The following HCN1 variants were observed in gnomAD, a reference collection of about 807,000 sequenced individuals.
HCN1 encodes the protein hyperpolarization activated cyclic nucleotide gated potassium channel 1, also known as potassium/sodium hyperpolarization-activated cyclic nucleotide-gated channel 1.
Under a neutral mutation model 78.9 loss-of-function variants are expected in HCN1, and 13 were observed. The observed-to-expected ratio is 0.16, with a 90% CI of 0.11 to 0.26. The LOEUF (loss-of-function observed/expected upper bound fraction) is 0.26, where lower values mean the gene tolerates loss of function less well. Ranked by LOEUF, HCN1 falls within the 10% of genes least tolerant of loss-of-function variation. HCN1 has a pLI of 1.00. For missense variants in HCN1, 810 were observed against 1,154.3 expected (o/e 0.70, Z 4.32); for synonymous variants, 552 against 455.5 (o/e 1.21, Z -2.70).
chr5:45,608,428 T>G (rs1744768052), intron 2 of HCN1, among the ~76,000 whole-genome samples: 1 of 80,920 alleles, frequency 1.2e-5, no homozygotes, highest in African/African-American at 4.6e-5. Flanking sequence ...GAAGAACTAC[T>G]TCTTTATATG....
intron 2 of HCN1, among the ~76,000 whole-genome samples, chr5:45,496,473 A>T (rs563173486): frequency 6.6e-6 from 1 of 152,192 alleles, no homozygotes; most frequent in Admixed American, 6.5e-5. Flanking sequence ...CACTGGTAGA[A>T]GTTGGCTGTG....
chr5:45,613,328 A>G (rs1744880189), intron 2 of HCN1, among the ~76,000 whole-genome samples: 1 of 152,118 alleles, frequency 6.6e-6, no homozygotes, highest in Non-Finnish European at 1.5e-5. Flanking sequence ...TACAAAGGAC[A>G]TGAACTCATC....
At chr5:45,510,210 C>CAT (rs1312825058) in intron 2 of HCN1, among the ~76,000 whole-genome samples, 1 of 152,048 alleles carries the variant, frequency 6.6e-6, no homozygotes, top group South Asian at 2.1e-4. Flanking sequence ...ACACCATATA[C>CAT]ATACATAAGA....
intron 4 of HCN1, among the ~76,000 whole-genome samples, chr5:45,370,697 A>G (rs1305798761): frequency 2.6e-5 from 4 of 152,084 alleles, no homozygotes; most frequent in Admixed American, 1.3e-4. Flanking sequence ...CTATAATGCC[A>G]TAAGGCCACA....
chr5:45,281,611 C>T (rs190606110), intron 6 of HCN1, among the ~76,000 whole-genome samples: 6 of 90,826 alleles, frequency 6.6e-5, no homozygotes, highest in East Asian at 6.9e-4. Context: ...TTTTTTGAGA[C>T]GGAGTCTCAC....
intron 5 of HCN1, among the ~76,000 whole-genome samples, chr5:45,321,195 T>C (rs1247511532): frequency 6.6e-6 from 1 of 151,886 alleles, no homozygotes; most frequent in East Asian, 1.9e-4. Flanking sequence ...ATTTGTAATT[T>C]ATTTTGATTA....
intron 2 of HCN1, among the ~76,000 whole-genome samples, chr5:45,502,785 T>G (rs544290644): frequency 5.7e-4 from 86 of 152,126 alleles, no homozygotes; most frequent in Admixed American, 1.1e-3. Context: ...GGCTATGAGA[T>G]TAACAATAAT....
At chr5:45,434,904 C>T (rs1271255730) in intron 3 of HCN1, among the ~76,000 whole-genome samples, 1 of 151,886 alleles carries the variant, frequency 6.6e-6, no homozygotes, top group Non-Finnish European at 1.5e-5. Flanking sequence ...TCCTGATCAT[C>T]CAAAAGAGCC....
At position 45,258,437 on chromosome 5, in the gene HCN1, T is replaced by A. The variant is rs1561077302; in HGVS notation, c.*3484A>T. The A allele has an allele frequency of 6.6e-6, 1 of 152,180 alleles. No homozygotes were observed. The allele number at this position is 152,180 out of a possible 1,614,324, so 9.4% of individuals were successfully genotyped here. A position where few individuals can be genotyped will look rare whatever the true frequency, so the allele number is the denominator to read the frequency against. On this transcript the variant is annotated 3_prime_UTR_variant, in exon 8 of 8. Transcript: ENST00000303230. ...AGTGGAACAGCATTCATCAGGGAAT[T>A]GTTCACTTATGAAGAGGTCATCCAG...
intron 1 of HCN1, among the ~76,000 whole-genome samples, chr5:45,647,908 T>C (rs570261716): frequency 4.6e-5 from 7 of 152,210 alleles, no homozygotes; most frequent in Non-Finnish European, 1.0e-4. Flanking sequence ...TATTCATCCA[T>C]TTGCACTTTA....
Position 45,267,178 on chromosome 5 carries a change from GA to G in HCN1, c.1693del (p.Ser565ProfsTer14). The G allele has an allele frequency of 6.2e-7, 1 of 1,613,984 alleles. No homozygotes were observed. The highest frequency in any genetic ancestry group is 8.5e-7 in the Non-Finnish European group (1 of 1,179,868). On this transcript the variant is annotated frameshift_variant, in exon 7 of 8. Coordinates refer to ENST00000303230, the MANE Select transcript of HCN1 (RefSeq NM_021072.4). LOFTEE classifies it high-confidence loss of function. ...CAGGACCTCGTTGAAATTGTCCACG[GA>G]AAGTGAGTAAAGACGACAATATGTA... Reference protein sequence around the residue: ...ADTYCRLYSLSVDNFNEVLEE... With the variant: ...ADTYCRLYSLXVDNFNEVLEE...
Position 45,409,392 on chromosome 5 carries a change from T to C in HCN1, c.1012-12682A>G, listed in dbSNP as rs141015351. 3.9e-5 allele frequency among the ~76,000 whole-genome samples: 6 copies of C among 152,196 alleles called. No individual in the cohort carries two copies. The East Asian group carries it at 9.7e-4, about 25-fold the overall frequency. ...CTTAGAGATGGGCATAACTAAAATA[T>C]AGACAAACTTAAACTATAGAGAAAG... On this transcript the variant is annotated intron_variant, in intron 3 of 7. Transcript: ENST00000303230.
At chr5:45,563,353 G>A (rs1743643526) in intron 2 of HCN1, among the ~76,000 whole-genome samples, 1 of 152,058 alleles carries the variant, frequency 6.6e-6, no homozygotes, top group South Asian at 2.1e-4. Flanking sequence ...TCGGGAGGGT[G>A]AGGCAGGAGA....
At chr5:45,365,030 T>C (rs779974374) in intron 4 of HCN1, among the ~76,000 whole-genome samples, 5 of 152,196 alleles carry the variant, frequency 3.3e-5, no homozygotes, top group African/African-American at 1.2e-4. Flanking sequence ...AGGTGTTCAA[T>C]AATTGATTAA....
chr5:45,344,645 A>C (rs1398026952), intron 5 of HCN1, among the ~76,000 whole-genome samples: 1 of 152,324 alleles, frequency 6.6e-6, no homozygotes, highest in Admixed American at 6.5e-5. Context: ...AGGGCAGTCA[A>C]ATCTTAAAGC....
chr5:45,396,132 A>T (rs1358090586), intron 4 of HCN1, among the ~76,000 whole-genome samples: 1 of 152,190 alleles, frequency 6.6e-6, no homozygotes, highest in Non-Finnish European at 1.5e-5. Flanking sequence ...TTAATCAGCT[A>T]ACATTTTTCT....
intron 2 of HCN1, among the ~76,000 whole-genome samples, chr5:45,582,527 G>C (rs375146781): frequency 6.6e-6 from 1 of 151,978 alleles, no homozygotes; most frequent in Non-Finnish European, 1.5e-5. Flanking sequence ...TCTCCTGCCT[G>C]ATTGCCCTGG....
intron 2 of HCN1, among the ~76,000 whole-genome samples, chr5:45,552,432 G>A (rs1206491301): frequency 6.6e-6 from 1 of 151,842 alleles, no homozygotes; most frequent in Non-Finnish European, 1.5e-5. Context: ...GCAATATAAT[G>A]CAACTGTGGA....
intron 3 of HCN1, among the ~76,000 whole-genome samples, chr5:45,417,454 C>A (rs1451969001): frequency 6.6e-6 from 1 of 151,748 alleles, no homozygotes; most frequent in African/African-American, 2.4e-5. Flanking sequence ...CCTTTAAATG[C>A]TGTTTTGTCA....
Sources: allele counts gnomAD v4.1 joint callset (sites outside exome capture counted in the v4.1 genomes callset), GRCh38; gene constraint gnomAD v4.1.1; transcripts MANE v1.5; gene names NCBI Gene and HGNC (gene_info 2026-07-23, HGNC 2026-07-21).